The following NEDD9 variants were observed in gnomAD, a reference collection of about 807,000 sequenced individuals.
The protein encoded by NEDD9 is enhancer of filamentation 1.
Under a neutral mutation model 76.6 loss-of-function variants are expected in NEDD9, and 26 were observed. That is an observed-to-expected ratio of 0.34 (90% CI 0.25 to 0.47). NEDD9 has a LOEUF of 0.47. Ranked by LOEUF, NEDD9 falls within the 20% of genes least tolerant of loss-of-function variation. NEDD9 has a pLI of 1.00. For missense variants in NEDD9, 937 were observed against 1,058.5 expected (o/e 0.89, Z 1.59); for synonymous variants, 392 against 414.2 (o/e 0.95, Z 0.65).
intron 3 of NEDD9, among the ~76,000 whole-genome samples, chr6:11,277,958 G>A (rs1433856304): frequency 6.6e-6 from 1 of 152,152 alleles, no homozygotes; most frequent in Non-Finnish European, 1.5e-5. Context: ...GAGCCTGAGG[G>A]CCACTTCTTT....
At chr6:11,320,467 C>T (rs1283514597) in intron 2 of NEDD9, among the ~76,000 whole-genome samples, 2 of 152,150 alleles carry the variant, frequency 1.3e-5, no homozygotes, top group African/African-American at 2.4e-5. Flanking sequence ...ACGGTGCCTA[C>T]GATAAGCGAT....
At chr6:11,240,613 G>C (rs1337481326) in intron 3 of NEDD9, among the ~76,000 whole-genome samples, 1 of 152,164 alleles carries the variant, frequency 6.6e-6, no homozygotes. Context: ...TTGATGTTTA[G>C]TGTTATTATA....
chr6:11,274,804 G>T (rs753837204), intron 3 of NEDD9, among the ~76,000 whole-genome samples: 1 of 152,124 alleles, frequency 6.6e-6, no homozygotes, highest in African/African-American at 2.4e-5. Context: ...AAAAACAGTA[G>T]GGAAATTCCT....
rs531329840 is a variant in NEDD9 at position 11,374,139 on chromosome 6, A to AC, written c.-214+7999dup. Among the ~76,000 whole-genome samples, 17 of 151,822 alleles carry AC rather than the reference A, an allele frequency of 1.1e-4. No individual in the cohort carries two copies. In the South Asian group the frequency reaches 3.1e-3, roughly 28 times the overall value. ...TTGTCTGGAGAACCCTAATACACCC[A>AC]CCTTACTCCTTTGCTCACTCAATGA... On this transcript the variant is annotated intron_variant, in intron 1 of 3. Transcript: ENST00000397378.
chr6:11,353,573 GA>G (rs754653584), intron 1 of NEDD9, among the ~76,000 whole-genome samples: 1 of 152,202 alleles, frequency 6.6e-6, no homozygotes, highest in Non-Finnish European at 1.5e-5. Flanking sequence ...AGAACTGTAA[GA>G]AAATCTATTT....
chr6:11,280,739 C>G (rs934604615), intron 3 of NEDD9, among the ~76,000 whole-genome samples: 4 of 152,258 alleles, frequency 2.6e-5, no homozygotes, highest in Admixed American at 6.5e-5. Flanking sequence ...ACGCTTGGAG[C>G]CCTCTTCTGC....
rs111917493 is a variant in NEDD9 at position 11,269,811 on chromosome 6, AAAACAAAC to A, written c.12+36173_12+36180del. 5.9e-4 allele frequency among the ~76,000 whole-genome samples: 90 copies of A among 151,906 alleles called. 1 individual carries two copies. In the South Asian group the frequency reaches 0.016, roughly 27 times the overall value. On this transcript the variant is annotated intron_variant, in intron 3 of 3. Coordinates refer to the NEDD9 transcript ENST00000397378. ...AATTAAACCTAGAGTAAACCATTAAAAAACAAACAAACAAACAAACAAACAAACACTCT... is the reference window on the plus strand; with the variant it reads ...AATTAAACCTAGAGTAAACCATTAAAAAACAAACAAACAAACAAACACTCT...
At chr6:11,300,039 A>G (rs1561821806) in intron 3 of NEDD9, among the ~76,000 whole-genome samples, 1 of 152,252 alleles carries the variant, frequency 6.6e-6, no homozygotes, top group South Asian at 2.1e-4. Context: ...TTGGCTTCAG[A>G]AGGTCTGTGA....
At chr6:11,328,296 G>T (rs1002424098) in intron 2 of NEDD9, among the ~76,000 whole-genome samples, 1 of 152,174 alleles carries the variant, frequency 6.6e-6, no homozygotes, top group African/African-American at 2.4e-5. Flanking sequence ...AATGTCAAAA[G>T]TATCTCCACT....
chr6:11,236,426 A>G (rs1438963295), upstream of NEDD9, among the ~76,000 whole-genome samples: 2 of 152,244 alleles, frequency 1.3e-5, no homozygotes, highest in Non-Finnish European at 2.9e-5. This position sits in a 1 kb window ranked among gnomAD's most constrained non-coding sequence, Gnocchi z 5.5. Flanking sequence ...TACAGCAAAA[A>G]ATCAAGAGGA....
chr6:11,205,607 A>T (rs189368062), intron 2 of NEDD9, among the ~76,000 whole-genome samples: 7 of 151,902 alleles, frequency 4.6e-5, no homozygotes, highest in Admixed American at 2.0e-4. Context: ...CACTCTTCAA[A>T]TGTTACTGGA....
At chr6:11,381,766 C>T (rs1326851344) in intron 1 of NEDD9, among the ~76,000 whole-genome samples, 13 of 152,290 alleles carry the variant, frequency 8.5e-5, no homozygotes, top group African/African-American at 2.9e-4. Context: ...GAATAAGTGA[C>T]GGCCCACACT....
chr6:11,352,251 C>T (rs1762484652), intron 1 of NEDD9: 1 of 152,210 alleles, frequency 6.6e-6, no homozygotes, highest in African/African-American at 2.4e-5. Context: ...ATTCCTTCAG[C>T]CTCTGGGTGT....
intron 1 of NEDD9, among the ~76,000 whole-genome samples, chr6:11,374,733 C>T (rs532148233): frequency 4.1e-4 from 62 of 152,278 alleles, no homozygotes; most frequent in Non-Finnish European, 7.4e-4. Context: ...CTTCATGGAA[C>T]CCAATCTGCT....
At chr6:11,205,872 C>T (rs1758593717) in intron 2 of NEDD9, among the ~76,000 whole-genome samples, 1 of 152,158 alleles carries the variant, frequency 6.6e-6, no homozygotes, top group South Asian at 2.1e-4. Context: ...AGGTGATCTA[C>T]CCACTTCGGC....
chr6:11,262,304 A>C (rs1357193391), intron 3 of NEDD9, among the ~76,000 whole-genome samples: 1 of 152,222 alleles, frequency 6.6e-6, no homozygotes, highest in Non-Finnish European at 1.5e-5. Flanking sequence ...CTTTCTCGGC[A>C]ATGTGAAAAT....
intron 3 of NEDD9, among the ~76,000 whole-genome samples, chr6:11,242,025 T>C (rs1759718804): frequency 6.6e-6 from 1 of 152,230 alleles, no homozygotes; most frequent in Admixed American, 6.5e-5. Flanking sequence ...AACAAAGTGC[T>C]CCAGCTATCA....
intron 3 of NEDD9, among the ~76,000 whole-genome samples, chr6:11,291,818 T>C (rs991854033): frequency 2.0e-5 from 3 of 152,312 alleles, no homozygotes; most frequent in Middle Eastern, 3.4e-3. Flanking sequence ...AAAATGGTCA[T>C]GGAAGGCTCT....
chr6:11,211,686 C>T lies in NEDD9; in HGVS notation c.459+1595G>A, dbSNP rs185606493. ...TCAGTTTATCACCTCTAGGCAGCAT[C>T]GTTGTCGTGGGCAGTACAAGTCTAA... On this transcript the variant is annotated intron_variant, in intron 2 of 6. Transcript: ENST00000379446. Among the ~76,000 whole-genome samples, 9 of 152,322 alleles carry T rather than the reference C, an allele frequency of 5.9e-5. No individual in the cohort carries two copies. In the East Asian group the frequency reaches 1.5e-3, roughly 26 times the overall value.
Sources: gnomAD v4.1 joint callset for allele counts (sites outside exome capture counted in the v4.1 genomes callset) on GRCh38, gnomAD v4.1.1 for gene constraint, Gnocchi (gnomAD v3.1) non-coding constraint, MANE v1.5 for transcripts, NCBI Gene and HGNC (gene_info 2026-07-23, HGNC 2026-07-21) for gene names.